Variants in TENM2 observed in about 807,000 individuals in gnomAD.
The protein encoded by TENM2 is teneurin-2.
Under a neutral mutation model 245.2 loss-of-function variants are expected in TENM2, and 52 were observed. The ratio of observed to expected loss-of-function variants is 0.21; its 90% CI spans 0.17 to 0.27. TENM2 has a LOEUF of 0.27. TENM2 is among the 10% of genes least tolerant of loss of function. The pLI is 1.00. For missense variants in TENM2, 3,046 were observed against 3,666.8 expected, an observed-to-expected ratio of 0.83 and a Z score of 4.37; for synonymous variants, 1,363 against 1,438.9, an observed-to-expected ratio of 0.95 and a Z score of 1.19.
chr5:168,218,078 G>A lies in TENM2; in HGVS notation c.4234-47G>A. 6.3e-7 allele frequency: 1 copy of A among 1,575,236 alleles called. No individual in the cohort carries two copies. Among genetic ancestry groups the A allele is most frequent in the South Asian group, 1.2e-5 (1 of 86,250 alleles). On this transcript the variant is annotated intron_variant, in intron 22 of 28. Coordinates refer to ENST00000518659, the Ensembl canonical transcript of TENM2. The surrounding 1 kb of genome is among the most constrained non-coding windows in gnomAD (Gnocchi z 5.2). Reference sequence around the variant, plus strand: ...AGTAAGTGCCGTACGGTTAAACGTTGGACATATTAAAGGCTGTTCTTTAAT... The same window carrying A: ...AGTAAGTGCCGTACGGTTAAACGTTAGACATATTAAAGGCTGTTCTTTAAT...
intron 12 of TENM2, among the ~76,000 whole-genome samples, chr5:168,132,440 AAAAAG>A (rs1314117062): frequency 6.6e-6 from 1 of 152,178 alleles, no homozygotes; most frequent in Non-Finnish European, 1.5e-5. Flanking sequence ...GCTCCCATCA[AAAAAG>A]AAAAGAGGAG....
At chr5:167,849,598 A>C (rs1770382436) in intron 2 of TENM2, among the ~76,000 whole-genome samples, 1 of 152,084 alleles carries the variant, frequency 6.6e-6, no homozygotes, top group African/African-American at 2.4e-5. Flanking sequence ...CCAGTCCCTC[A>C]AGACTGCTCC....
chr5:168,128,831 C>T (rs1005623233), intron 12 of TENM2: 1 of 152,240 alleles, frequency 6.6e-6, no homozygotes, highest in Non-Finnish European at 1.5e-5. Flanking sequence ...ATTTCAGTGA[C>T]CATAAACAAA....
chr5:168,195,943 T>C (rs1208994410), intron 15 of TENM2, among the ~76,000 whole-genome samples: 1 of 152,036 alleles, frequency 6.6e-6, no homozygotes, highest in Admixed American at 6.6e-5. Flanking sequence ...CTTAATCCAT[T>C]TGGGCATAGA....
intron 5 of TENM2, among the ~76,000 whole-genome samples, chr5:168,029,158 C>CT (rs1786884462): frequency 6.6e-6 from 1 of 152,150 alleles, no homozygotes; most frequent in African/African-American, 2.4e-5. Context: ...GTGGAAGAGA[C>CT]TATCTAGCTG....
rs1011378577 is a variant in TENM2, at chr5:167,848,844, C to T, written c.503-27142C>T. On this transcript the variant is annotated intron_variant, in intron 2 of 28. Coordinates refer to ENST00000518659, the Ensembl canonical transcript of TENM2. ...CCCCACTTCTACCCCTTTCCCAACC[C>T]CCTGCTACGGGTGATCCTGACACTA... 2.6e-5 allele frequency among the ~76,000 whole-genome samples: 4 copies of T among 152,172 alleles called. No homozygotes were observed. The East Asian group carries it at 5.8e-4, about 22-fold the overall frequency.
At chr5:167,916,302 C>T (rs987907907) in intron 3 of TENM2, among the ~76,000 whole-genome samples, 1 of 152,100 alleles carries the variant, frequency 6.6e-6, no homozygotes, top group South Asian at 2.1e-4. Flanking sequence ...TTGAAAGGCC[C>T]CTGGTGTCTC....
At chr5:167,292,162 G>A (rs113636873) in intron 1 of TENM2, among the ~76,000 whole-genome samples, 8,100 of 152,128 alleles carry the variant, frequency 0.053, 693 homozygotes, top group African/African-American at 0.18. Context: ...TCACACATGG[G>A]GATTATGGGA....
At position 167,993,243 on chromosome 5, in the gene TENM2, G is replaced by A. The variant is rs1783804595; in HGVS notation, c.1186+61G>A. On this transcript the variant is annotated intron_variant, in intron 5 of 28. Transcript: ENST00000518659. Reference sequence around the variant, plus strand: ...ATGACAACATGAGGGGAGAGGCCATGGACTTGTGAATCTAGAGGCCCTCTG... The same window carrying A: ...ATGACAACATGAGGGGAGAGGCCATAGACTTGTGAATCTAGAGGCCCTCTG... 2.1e-6 allele frequency: 3 copies of A among 1,404,458 alleles called. No homozygotes were observed. In the South Asian group the frequency reaches 3.6e-5, roughly 17 times the overall value. The allele number at this position is 1,404,458 out of a possible 1,614,324, so 87.0% of individuals were successfully genotyped here. A position where few individuals can be genotyped will look rare whatever the true frequency, so the allele number is the denominator to read the frequency against.
chr5:167,720,528 G>T (rs1759557856), intron 2 of TENM2, among the ~76,000 whole-genome samples: 1 of 152,254 alleles, frequency 6.6e-6, no homozygotes, highest in South Asian at 2.1e-4. Flanking sequence ...TGAATTTATT[G>T]TAGATACTTA....
chr5:167,488,051 A>G (rs1768191860), intron 2 of TENM2, among the ~76,000 whole-genome samples: 1 of 152,136 alleles, frequency 6.6e-6, no homozygotes, highest in African/African-American at 2.4e-5. Context: ...TTGCACCCAC[A>G]TCAATAAGAA....
intron 2 of TENM2, among the ~76,000 whole-genome samples, chr5:167,423,334 T>A (rs1017657208): frequency 1.3e-5 from 2 of 152,152 alleles, no homozygotes; most frequent in Non-Finnish European, 1.5e-5. Flanking sequence ...CTTGTCAGTA[T>A]AAGAATATCG....
chr5:167,522,799 C>G (rs963776870), intron 2 of TENM2, among the ~76,000 whole-genome samples: 5 of 135,694 alleles, frequency 3.7e-5, no homozygotes, highest in African/African-American at 1.4e-4. Context: ...ACACTTTACC[C>G]AGCAAATAGG....
intron 7 of TENM2, among the ~76,000 whole-genome samples, chr5:168,081,526 C>T (rs568803161): frequency 6.6e-5 from 10 of 152,298 alleles, no homozygotes; most frequent in African/African-American, 2.2e-4. Context: ...TTCCTAGCAT[C>T]GATGGTGTTT....
the TENM2 span, among the ~76,000 whole-genome samples, chr5:167,153,096 C>T: frequency 7.3e-6 from 1 of 136,246 alleles, no homozygotes; most frequent in South Asian, 2.3e-4. Context: ...TCAATGAATA[C>T]ATACACACAC....
At chr5:167,669,601 C>T (rs1755802333) in intron 2 of TENM2, among the ~76,000 whole-genome samples, 1 of 151,850 alleles carries the variant, frequency 6.6e-6, no homozygotes, top group African/African-American at 2.4e-5. Flanking sequence ...CCCCTTGGCT[C>T]CTGCTTCTCA....
chr5:167,717,233 G>A (rs182978567), intron 2 of TENM2, among the ~76,000 whole-genome samples: 230 of 152,284 alleles, frequency 1.5e-3, no homozygotes, highest in Non-Finnish European at 2.4e-3. Context: ...TAGGATTACA[G>A]ATGTCAGCTA....
At chr5:167,525,950 C>T (rs182577163) in intron 2 of TENM2, among the ~76,000 whole-genome samples, 29 of 152,058 alleles carry the variant, frequency 1.9e-4, no homozygotes, top group Admixed American at 7.2e-4. Flanking sequence ...TACTTTAAGA[C>T]ATCTCTATCA....
intron 2 of TENM2, among the ~76,000 whole-genome samples, chr5:167,467,516 GAAAAAAA>G: frequency 6.9e-6 from 1 of 145,718 alleles, no homozygotes; most frequent in South Asian, 2.2e-4. Context: ...TCTTGTTTGA[GAAAAAAA>G]AAAAAAAACA....
Sources: allele counts gnomAD v4.1 joint callset (sites outside exome capture counted in the v4.1 genomes callset), GRCh38; gene constraint gnomAD v4.1.1; non-coding constraint Gnocchi (gnomAD v3.1); transcripts MANE v1.5; gene names NCBI Gene and HGNC (gene_info 2026-07-23, HGNC 2026-07-21).